Variants in NECTIN2 observed in about 807,000 individuals in gnomAD.
NECTIN2 encodes nectin cell adhesion molecule 2.
Under a neutral mutation model 56.9 loss-of-function variants are expected in NECTIN2, and 23 were observed. The observed-to-expected ratio is 0.40, with a 90% CI of 0.29 to 0.57. NECTIN2 has a LOEUF of 0.57. NECTIN2 is among the 20% of genes least tolerant of loss of function. The pLI is 0.38. For missense variants in NECTIN2, 587 were observed against 718.3 expected, an observed-to-expected ratio of 0.82 and a Z score of 2.09; for synonymous variants, 302 against 313.8, an observed-to-expected ratio of 0.96 and a Z score of 0.40.
At chr19:44,870,932 G>A (rs1028736087) in intron 2 of NECTIN2, among the ~76,000 whole-genome samples, 7 of 152,158 alleles carry the variant, frequency 4.6e-5, no homozygotes, top group Admixed American at 1.3e-4. Flanking sequence ...GTTTCACCAC[G>A]TTGGCCACGC....
In NECTIN2 at chr19:44,888,464, C is replaced by G; in HGVS notation, c.*85C>G. The G allele has an allele frequency of 2.8e-6, 4 of 1,432,224 alleles. No individual in the cohort carries two copies. Among genetic ancestry groups the G allele is most frequent in the Non-Finnish European group, 3.8e-6 (4 of 1,051,278 alleles). The allele number at this position is 1,432,224 out of a possible 1,614,324, so 88.7% of individuals were successfully genotyped here. ...GATCTAGTGCCCCCTGACCTCTGGC[C>G]AGGCCACTGTCAGTTAACACATATG... On this transcript the variant is annotated 3_prime_UTR_variant, in exon 9 of 9. Coordinates refer to ENST00000252483, the MANE Select transcript of NECTIN2 (RefSeq NM_001042724.2).
chr19:44,885,650 G>A (rs1599929147), intron 6 of NECTIN2, among the ~76,000 whole-genome samples: 1 of 152,204 alleles, frequency 6.6e-6, no homozygotes, highest in Non-Finnish European at 1.5e-5. Flanking sequence ...CTCACAGTGG[G>A]GCATGGTAAT....
intron 5 of NECTIN2, chr19:44,878,967 C>T: frequency 1.9e-6 from 2 of 1,031,758 alleles, no homozygotes; most frequent in Non-Finnish European, 2.4e-6. Context: ...ACATCAGACC[C>T]CCTCCTTGCA....
At chr19:44,876,749 T>G (rs1201457728) in intron 5 of NECTIN2, among the ~76,000 whole-genome samples, 1 of 152,094 alleles carries the variant, frequency 6.6e-6, no homozygotes, top group African/African-American at 2.4e-5. Context: ...CTCAGAGAAC[T>G]TTTTATTTTT....
intron 5 of NECTIN2, among the ~76,000 whole-genome samples, chr19:44,879,592 G>C (rs1490466863): frequency 6.6e-6 from 1 of 152,070 alleles, no homozygotes; most frequent in South Asian, 2.1e-4. Context: ...TGGGAGTGGC[G>C]GCAGCTCCCT....
intron 2 of NECTIN2, among the ~76,000 whole-genome samples, chr19:44,867,926 T>G: frequency 6.6e-6 from 1 of 151,452 alleles, no homozygotes; most frequent in African/African-American, 2.4e-5. Flanking sequence ...AGAAGGGAGC[T>G]GGGACGAGAG....
At chr19:44,866,386 C>A (rs374508974) in intron 2 of NECTIN2, among the ~76,000 whole-genome samples, 1 of 151,870 alleles carries the variant, frequency 6.6e-6, no homozygotes, top group East Asian at 1.9e-4. Flanking sequence ...GCCTGGGTGA[C>A]AGAGTGAGGC....
intron 5 of NECTIN2, chr19:44,878,213 C>G: frequency 1.5e-6 from 1 of 653,280 alleles, no homozygotes. Flanking sequence ...CTCCTTCTCT[C>G]TCTCCTCAGA....
intron 6 of NECTIN2, among the ~76,000 whole-genome samples, chr19:44,884,106 TAA>T (rs75039564): frequency 1.5e-5 from 2 of 137,524 alleles, no homozygotes; most frequent in African/African-American, 2.7e-5. Flanking sequence ...TGAGACCTTG[TAA>T]AAAAAAAAAA....
In NECTIN2 at chr19:44,864,020, C is replaced by CT. The variant is rs201138989; in HGVS notation, c.89-1251_89-1250insT. On this transcript the variant is annotated intron_variant, in intron 1 of 8. Coordinates refer to ENST00000252483, the MANE Select transcript of NECTIN2 (RefSeq NM_001042724.2). ...ATTTATTTTCAGAGGATTCCCCCCC[C>CT]CCAAAAAAAAATCTTATGAAAATTT... Among the ~76,000 whole-genome samples, 5 of 151,532 alleles carry CT rather than the reference C, an allele frequency of 3.3e-5. No homozygotes were observed. In the South Asian group the frequency reaches 6.3e-4, roughly 19 times the overall value.
At chr19:44,883,109 T>C (rs1292512825) in intron 6 of NECTIN2, among the ~76,000 whole-genome samples, 6 of 152,166 alleles carry the variant, frequency 3.9e-5, no homozygotes, top group Non-Finnish European at 7.3e-5. Context: ...AAAGGGCGGT[T>C]CCTAAATTGT....
intron 1 of NECTIN2, among the ~76,000 whole-genome samples, chr19:44,853,107 GAA>G (rs376160239): frequency 1.5e-5 from 2 of 135,494 alleles, no homozygotes; most frequent in African/African-American, 5.3e-5. Flanking sequence ...TCCTATCCCA[GAA>G]AAAAAAAAAA....
At position 44,866,036 on chromosome 19, in the gene NECTIN2, G is replaced by A. The variant is rs561725565; in HGVS notation, c.478+376G>A. Reference sequence around the variant, plus strand: ...AAAAATAAAAAATTAGCTGGGTGTGGTGGCCCGTGCCTATAATCCCAGATA... The same window carrying A: ...AAAAATAAAAAATTAGCTGGGTGTGATGGCCCGTGCCTATAATCCCAGATA... On this transcript the variant is annotated intron_variant, in intron 2 of 8. Transcript: ENST00000252483. Among the ~76,000 whole-genome samples, 317 of 152,184 alleles carry A rather than the reference G, an allele frequency of 2.1e-3. 3 individuals are homozygous for A. The highest frequency in any genetic ancestry group is 7.3e-3 in the African/African-American group (302 of 41,514).
In NECTIN2 at chr19:44,874,219, G is replaced by C. The variant is rs1389721650; in HGVS notation, c.894-111G>C. On this transcript the variant is annotated intron_variant, in intron 4 of 8. Transcript: ENST00000252483. This position sits in a 1 kb window ranked among gnomAD's most constrained non-coding sequence, Gnocchi z 6.3. ...CATTTTGGCAATTTGGGGTCTCCGG[G>C]AGTACTTAGGTCCCTGGAGCTTGGC... The C allele has an allele frequency of 2.1e-5, 30 of 1,405,430 alleles. No individual in the cohort carries two copies. 87.1% of individuals were successfully genotyped at this position (1,405,430 alleles called of 1,614,324 possible). A position where few individuals can be genotyped will look rare whatever the true frequency, so the allele number is the denominator to read the frequency against.
At chr19:44,851,548 G>C (rs1029992552) in intron 1 of NECTIN2, among the ~76,000 whole-genome samples, 1 of 152,140 alleles carries the variant, frequency 6.6e-6, no homozygotes, top group Non-Finnish European at 1.5e-5. Context: ...GTCTCAAGCT[G>C]TGTCTGTCCC....
At chr19:44,885,914 T>C (rs369910207) in intron 6 of NECTIN2, 23 bp from the exon 7 acceptor site, 1 of 1,542,656 alleles carries the variant, frequency 6.5e-7, no homozygotes, top group African/African-American at 1.4e-5. Context: ...TAATCTCCAC[T>C]TGTCCTACCT....
intron 5 of NECTIN2, among the ~76,000 whole-genome samples, chr19:44,876,401 C>A (rs1235064909): frequency 6.6e-6 from 1 of 152,180 alleles, no homozygotes; most frequent in Non-Finnish European, 1.5e-5. Context: ...AAAGACTCAG[C>A]GCTGTGGAAA....
intron 1 of NECTIN2, among the ~76,000 whole-genome samples, chr19:44,859,107 C>T (rs990451158): frequency 3.9e-5 from 6 of 152,154 alleles, no homozygotes; most frequent in Admixed American, 6.5e-5. Context: ...GTGTGTATGA[C>T]GCCAGGGCCT....
At chr19:44,864,012 T>TCCCCCC (rs1555786362) in intron 1 of NECTIN2, among the ~76,000 whole-genome samples, 4 of 146,620 alleles carry the variant, frequency 2.7e-5, no homozygotes, top group East Asian at 4.4e-4. Flanking sequence ...TTCAGAGGAT[T>TCCCCCC]CCCCCCCCCC....
Sources: gnomAD v4.1 joint callset for allele counts (sites outside exome capture counted in the v4.1 genomes callset) on GRCh38, gnomAD v4.1.1 for gene constraint, Gnocchi (gnomAD v3.1) non-coding constraint, MANE v1.5 for transcripts, NCBI Gene and HGNC (gene_info 2026-07-23, HGNC 2026-07-21) for gene names.